Variants in TET3 observed in about 807,000 individuals in gnomAD.
The protein encoded by TET3 is methylcytosine dioxygenase TET3.
Under a neutral mutation model 141.4 loss-of-function variants are expected in TET3, and 19 were observed. The ratio of observed to expected loss-of-function variants is 0.13; its 90% CI spans 0.09 to 0.20. The LOEUF is 0.20. TET3 is among the 10% of genes least tolerant of loss of function. The probability of loss-of-function intolerance (pLI) is 1.00; values close to 1 mark genes in which losing one functional copy is unlikely to be tolerated. For synonymous variants in TET3, 1,043 were observed against 980.9 expected, an observed-to-expected ratio of 1.06 and a Z score of -1.18; for missense variants, 1,874 against 2,356.9, an observed-to-expected ratio of 0.80 and a Z score of 4.24.
intron 8 of TET3, 120 bp from the exon 9 acceptor site, chr2:74,092,782 C>A: frequency 1.2e-6 from 1 of 829,430 alleles, no homozygotes. Context: ...CAGAAAGACA[C>A]CTGATAACAC....
chr2:73,995,732 C>G (rs28534414), intron 2 of TET3, among the ~76,000 whole-genome samples: 5 of 152,022 alleles, frequency 3.3e-5, no homozygotes, highest in African/African-American at 4.8e-5. Context: ...TGGGAGCCAG[C>G]CTTAGAGTGA....
the TET3 span, among the ~76,000 whole-genome samples, chr2:74,124,175 G>A: frequency 1.4e-5 from 2 of 147,602 alleles, no homozygotes; most frequent in Admixed American, 1.3e-4. Flanking sequence ...GAGGTGGGGG[G>A]CAGCCCCCGC....
intron 3 of TET3, among the ~76,000 whole-genome samples, chr2:74,012,102 A>C (rs1378285734): frequency 1.3e-5 from 2 of 152,190 alleles, no homozygotes; most frequent in South Asian, 2.1e-4. Context: ...CTAGGACTAC[A>C]GGCGCATGCC....
Position 74,083,340 on chromosome 2 carries a change from G to A in TET3, c.2679+2749G>A, listed in dbSNP as rs1003914214. On this transcript the variant is annotated intron_variant, in intron 6 of 11. Coordinates refer to ENST00000409262, the MANE Select transcript of TET3 (RefSeq NM_001287491.2). Reference sequence around the variant, plus strand: ...CCAGAGATGCTGCCCATACTGGTGTGTAAAGGTCACAGAGATCAGAAGGCA... The same window carrying A: ...CCAGAGATGCTGCCCATACTGGTGTATAAAGGTCACAGAGATCAGAAGGCA... Among the ~76,000 whole-genome samples, 12 of 152,354 alleles carry A rather than the reference G, an allele frequency of 7.9e-5. No individual in the cohort carries two copies. The East Asian group carries it at 2.1e-3, about 27-fold the overall frequency.
At chr2:74,077,042 AC>A (rs1311094632) in intron 5 of TET3, among the ~76,000 whole-genome samples, 1 of 152,238 alleles carries the variant, frequency 6.6e-6, no homozygotes. Context: ...GGTGCACAGC[AC>A]AGAGCCTTGT....
At position 74,093,752 on chromosome 2, in the gene TET3, G is replaced by A; in HGVS notation, c.3267+86G>A. ...GGTCTTTTCAGAAAGGCAGGCTGAG[G>A]GTAGGGAGGGACCTGGAGACAGGAT... On this transcript the variant is annotated intron_variant, in intron 10 of 11. Coordinates refer to ENST00000409262, the MANE Select transcript of TET3 (RefSeq NM_001287491.2). This position sits in a 1 kb window ranked among gnomAD's most constrained non-coding sequence, Gnocchi z 4.2. The A allele has an allele frequency of 1.4e-6, 2 of 1,431,554 alleles. No individual in the cohort carries two copies. Among genetic ancestry groups the A allele is most frequent in the Non-Finnish European group, 1.8e-6 (2 of 1,084,178 alleles). 88.7% of individuals were successfully genotyped at this position (1,431,554 alleles called of 1,614,324 possible). A position where few individuals can be genotyped will look rare whatever the true frequency, so the allele number is the denominator to read the frequency against.
intron 4 of TET3, among the ~76,000 whole-genome samples, chr2:74,065,349 C>G (rs139917736): frequency 2.5e-4 from 38 of 152,256 alleles, no homozygotes; most frequent in Middle Eastern, 6.8e-3. Flanking sequence ...TACAGTCATT[C>G]TTCTTGCTCA....
intron 4 of TET3, among the ~76,000 whole-genome samples, chr2:74,067,079 C>G (rs549441612): frequency 6.6e-6 from 1 of 152,210 alleles, no homozygotes; most frequent in South Asian, 2.1e-4. Context: ...CACCCACATT[C>G]TCATATTCTC....
chr2:74,086,068 T>C (rs1472156801), intron 6 of TET3, among the ~76,000 whole-genome samples: 2 of 152,216 alleles, frequency 1.3e-5, no homozygotes, highest in African/African-American at 4.8e-5. Context: ...AGCATGAAAC[T>C]CTTTATGTAA....
At chr2:74,041,376 G>A (rs570786946) in intron 3 of TET3, among the ~76,000 whole-genome samples, 4 of 152,028 alleles carry the variant, frequency 2.6e-5, no homozygotes, top group Non-Finnish European at 5.9e-5. Flanking sequence ...CCTCATGCTC[G>A]CCTTCCTCTC....
intron 2 of TET3, among the ~76,000 whole-genome samples, chr2:73,992,335 A>G (rs1168645879): frequency 3.2e-5 from 3 of 93,246 alleles, no homozygotes; most frequent in Middle Eastern, 4.9e-3. Context: ...TTTGTTTGAG[A>G]TGGAGTCTCG....
intron 5 of TET3, among the ~76,000 whole-genome samples, chr2:74,076,601 A>T (rs1231124471): frequency 1.3e-5 from 2 of 151,530 alleles, no homozygotes; most frequent in African/African-American, 2.4e-5. Context: ...TTTGTGTACC[A>T]GCATACCTTT....
intron 3 of TET3, among the ~76,000 whole-genome samples, chr2:74,031,453 A>C (rs966395202): frequency 2.0e-5 from 3 of 152,190 alleles, no homozygotes; most frequent in Admixed American, 6.5e-5. Flanking sequence ...TCAGATGAAC[A>C]TGTGCAAACC....
chr2:74,097,894 CCCTGGGAGGGGCAG>C (rs1690943926), intron 10 of TET3, among the ~76,000 whole-genome samples: 1 of 152,040 alleles, frequency 6.6e-6, no homozygotes, highest in Non-Finnish European at 1.5e-5. Context: ...AATTAAGTAG[CCCTGGGAGGGGCAG>C]CCTCTCTGGG....
At chr2:74,028,041 G>A (rs1004250730) in intron 3 of TET3, among the ~76,000 whole-genome samples, 3 of 151,798 alleles carry the variant, frequency 2.0e-5, no homozygotes, top group Admixed American at 6.6e-5. Context: ...CTAGAGTGCA[G>A]TGGAGTGATC....
intron 2 of TET3, among the ~76,000 whole-genome samples, chr2:73,988,927 T>C (rs1684180820): frequency 6.6e-6 from 1 of 151,434 alleles, no homozygotes; most frequent in South Asian, 2.1e-4. Flanking sequence ...TTTTTTTTTT[T>C]TTAAGTCTTA....
chr2:73,994,320 G>C (rs1285358725), intron 2 of TET3, among the ~76,000 whole-genome samples: 1 of 152,204 alleles, frequency 6.6e-6, no homozygotes, highest in Non-Finnish European at 1.5e-5. Flanking sequence ...CTTGTATGAA[G>C]AAGAGGTCAG....
intron 3 of TET3, among the ~76,000 whole-genome samples, chr2:74,025,296 T>G (rs56699253): frequency 0.042 from 5,956 of 142,068 alleles, 391 homozygotes; most frequent in African/African-American, 0.15. Flanking sequence ...TAGGTTTTTG[T>G]TTTTTTTTTT....
At chr2:74,128,030 G>A in the TET3 span, among the ~76,000 whole-genome samples, 1 of 152,206 alleles carries the variant, frequency 6.6e-6, no homozygotes, top group South Asian at 2.1e-4. Context: ...AAGTTTTAGA[G>A]ATATATTTAA....
Sources: allele counts gnomAD v4.1 joint callset (sites outside exome capture counted in the v4.1 genomes callset), GRCh38; gene constraint gnomAD v4.1.1; non-coding constraint Gnocchi (gnomAD v3.1); transcripts MANE v1.5; gene names NCBI Gene and HGNC (gene_info 2026-07-23, HGNC 2026-07-21).